The following AGBL4 variants were observed in gnomAD, a reference collection of about 807,000 sequenced individuals.
AGBL4 encodes cytosolic carboxypeptidase 6.
A neutral mutation model predicts 66.4 loss-of-function variants in AGBL4; 58 were observed. That is an observed-to-expected ratio of 0.87 (90% CI 0.71 to 1.09). The LOEUF (loss-of-function observed/expected upper bound fraction) is 1.09. AGBL4 is among the 50% of genes least tolerant of loss of function. AGBL4 has a pLI of 0.00. For missense variants in AGBL4, 579 were observed against 631.0 expected (o/e 0.92, Z 0.88); for synonymous variants, 234 against 222.9 (o/e 1.05, Z -0.44).
intron 6 of AGBL4, among the ~76,000 whole-genome samples, chr1:48,692,415 T>G (rs1646646942): frequency 6.6e-6 from 1 of 152,070 alleles, no homozygotes; most frequent in South Asian, 2.1e-4. Flanking sequence ...GCTGGGGAGT[T>G]GGAAAGGCTG....
chr1:49,395,150 T>G (rs1420694327), intron 3 of AGBL4, among the ~76,000 whole-genome samples: 1 of 152,222 alleles, frequency 6.6e-6, no homozygotes, highest in African/African-American at 2.4e-5. Context: ...TGTTTTCTTA[T>G]GTTTGTGCTG....
intron 1 of AGBL4, among the ~76,000 whole-genome samples, chr1:49,878,801 C>G (rs1321831565): frequency 7.2e-6 from 1 of 139,738 alleles, no homozygotes; most frequent in Non-Finnish European, 1.5e-5. Flanking sequence ...GTCTAAGTCT[C>G]TTTGTAGGTC....
chr1:49,924,514 T>G (rs1652575292), intron 1 of AGBL4, among the ~76,000 whole-genome samples: 1 of 152,108 alleles, frequency 6.6e-6, no homozygotes, highest in African/African-American at 2.4e-5. Flanking sequence ...TATTTATTTA[T>G]TTATTTATTT....
chr1:49,790,090 T>C (rs1644557028), intron 2 of AGBL4, among the ~76,000 whole-genome samples: 1 of 152,074 alleles, frequency 6.6e-6, no homozygotes, highest in African/African-American at 2.4e-5. Flanking sequence ...AAGGATTCCC[T>C]ATTTAAGGCC....
rs149533183 is a variant in AGBL4 at position 49,292,463 on chromosome 1, C to G, written c.283-46599G>C. Among the ~76,000 whole-genome samples the G allele has an allele frequency of 2.9e-3, 436 of 152,296 alleles. 1 individual carries two copies. Among genetic ancestry groups the G allele is most frequent in the Non-Finnish European group, 3.7e-3 (249 of 68,010 alleles). ...ACTTACGGTCCCTTTTCTGGACCCA[C>G]CCATGGCCACCCATGGGCCAATCAG... On this transcript the variant is annotated intron_variant, in intron 3 of 13. Transcript: ENST00000371839.
intron 9 of AGBL4, among the ~76,000 whole-genome samples, chr1:48,623,479 G>C (rs761757434): frequency 6.6e-6 from 1 of 152,230 alleles, no homozygotes; most frequent in Non-Finnish European, 1.5e-5. Flanking sequence ...GGAGTGATTA[G>C]CCTGGTCCTT....
intron 5 of AGBL4, among the ~76,000 whole-genome samples, chr1:49,010,140 A>T (rs1662271945): frequency 6.6e-6 from 1 of 152,140 alleles, no homozygotes; most frequent in South Asian, 2.1e-4. Flanking sequence ...CCATTGACTC[A>T]GCCCAAAATC....
intron 1 of AGBL4, among the ~76,000 whole-genome samples, chr1:49,968,439 CTTTA>C (rs1009703442): frequency 6.6e-6 from 1 of 152,120 alleles, no homozygotes; most frequent in Non-Finnish European, 1.5e-5. Flanking sequence ...TTCTATATAA[CTTTA>C]TTTACAGTGC....
intron 3 of AGBL4, among the ~76,000 whole-genome samples, chr1:49,696,767 C>T (rs1180828681): frequency 6.6e-6 from 1 of 152,058 alleles, no homozygotes; most frequent in Non-Finnish European, 1.5e-5. Context: ...CACAGAAGCA[C>T]AAGCAAAAAT....
chr1:49,604,317 C>T (rs376808451), intron 3 of AGBL4, among the ~76,000 whole-genome samples: 1 of 152,296 alleles, frequency 6.6e-6, no homozygotes, highest in East Asian at 1.9e-4. Flanking sequence ...TTGCATTTTC[C>T]TAATGATCAG....
chr1:49,510,719 CTAA>C, intron 3 of AGBL4, among the ~76,000 whole-genome samples: 1 of 151,840 alleles, frequency 6.6e-6, no homozygotes, highest in South Asian at 2.1e-4. Context: ...GGTTTTAGGT[CTAA>C]TGTTTAAGTC....
chr1:49,881,390 G>C (rs1183096368), intron 1 of AGBL4, among the ~76,000 whole-genome samples: 1 of 152,072 alleles, frequency 6.6e-6, no homozygotes, highest in African/African-American at 2.4e-5. Context: ...ATAGTCCTCT[G>C]GGTATATACC....
At chr1:49,746,748 C>G (rs564417001) in intron 2 of AGBL4, among the ~76,000 whole-genome samples, 2 of 152,026 alleles carry the variant, frequency 1.3e-5, no homozygotes, top group Admixed American at 1.3e-4. Flanking sequence ...CTTACTAGAT[C>G]CTTTGGACTA....
chr1:49,961,126 T>C (rs1432433356), intron 1 of AGBL4, among the ~76,000 whole-genome samples: 1 of 152,124 alleles, frequency 6.6e-6, no homozygotes, highest in Non-Finnish European at 1.5e-5. Flanking sequence ...TAGATATGCA[T>C]ATTGGAAAGA....
intron 6 of AGBL4, among the ~76,000 whole-genome samples, chr1:48,666,108 C>T (rs58065735): frequency 0.013 from 1,944 of 152,218 alleles, 17 homozygotes; most frequent in African/African-American, 0.022. Context: ...TTTAGAAGGC[C>T]GTAAAAGAGC....
chr1:48,704,719 C>T (rs2148510383), intron 6 of AGBL4, among the ~76,000 whole-genome samples: 1 of 152,326 alleles, frequency 6.6e-6, no homozygotes, highest in African/African-American at 2.4e-5. Flanking sequence ...AGGCATGGAG[C>T]TGTCATTTCC....
intron 2 of AGBL4, among the ~76,000 whole-genome samples, chr1:49,741,549 A>T (rs996770376): frequency 6.6e-6 from 1 of 152,186 alleles, no homozygotes; most frequent in African/African-American, 2.4e-5. Context: ...AACTCATATG[A>T]TGAGGCCAGC....
chr1:49,926,655 C>T (rs1294200593), intron 1 of AGBL4, among the ~76,000 whole-genome samples: 2 of 152,052 alleles, frequency 1.3e-5, no homozygotes, highest in Non-Finnish European at 2.9e-5. Context: ...TCTAAGATAA[C>T]ACAGAGAAGA....
chr1:49,463,294 C>T (rs1646554901), intron 3 of AGBL4, among the ~76,000 whole-genome samples: 1 of 151,622 alleles, frequency 6.6e-6, no homozygotes, highest in African/African-American at 2.4e-5. Context: ...AACATATATA[C>T]CCTGGTTTTC....
Sources: allele counts gnomAD v4.1 joint callset (sites outside exome capture counted in the v4.1 genomes callset), GRCh38; gene constraint gnomAD v4.1.1; transcripts MANE v1.5; gene names NCBI Gene and HGNC (gene_info 2026-07-23, HGNC 2026-07-21).